RALGDS: variants seen among roughly 807,000 people sequenced by gnomAD.
RALGDS encodes the protein ral guanine nucleotide exchange factor.
In RALGDS, 44 loss-of-function variants were observed where a neutral mutation model predicts 99.8. The observed-to-expected ratio is 0.44, with a 90% CI of 0.35 to 0.57. RALGDS has a LOEUF of 0.57. Ranked by LOEUF, RALGDS falls within the 20% of genes least tolerant of loss-of-function variation. RALGDS has a pLI of 0.01. For missense variants in RALGDS, 1,022 were observed against 1,203.1 expected, an observed-to-expected ratio of 0.85 and a Z score of 2.23; for synonymous variants, 529 against 505.0, an observed-to-expected ratio of 1.05 and a Z score of -0.64.
At chr9:133,102,658 C>A in intron 13 of RALGDS, 87 bp from the exon 14 acceptor site, 2 of 1,604,296 alleles carry the variant, frequency 1.2e-6, no homozygotes, top group Non-Finnish European at 1.7e-6. Flanking sequence ...AGTCGGGGTG[C>A]CCCGGCCATC....
chr9:133,102,614 T>G (rs779975112), intron 13 of RALGDS, 43 bp from the exon 14 acceptor site: 1 of 1,608,498 alleles, frequency 6.2e-7, no homozygotes, highest in Non-Finnish European at 8.5e-7. Flanking sequence ...GGGGCCATGC[T>G]CCGGCCTTCC....
At chr9:133,143,765 TAATAATAAC>T (rs1284135105) in intron 1 of RALGDS, among the ~76,000 whole-genome samples, 1 of 107,646 alleles carries the variant, frequency 9.3e-6, no homozygotes, top group African/African-American at 4.4e-5. Context: ...ATAATAATAA[TAATAATAAC>T]AACAACAACA....
intron 1 of RALGDS, among the ~76,000 whole-genome samples, chr9:133,120,753 G>A (rs1028314467): frequency 2.0e-5 from 3 of 152,178 alleles, no homozygotes; most frequent in Non-Finnish European, 2.9e-5. Flanking sequence ...CCCCAGCCGT[G>A]GTCCCTACTG....
chr9:133,144,226 G>A lies in RALGDS; in HGVS notation c.18+4737C>T, dbSNP rs1832586288. 6.6e-6 allele frequency among the ~76,000 whole-genome samples: 1 copy of A among 152,158 alleles called. No individual in the cohort carries two copies. Among genetic ancestry groups the A allele is most frequent in the Non-Finnish European group, 1.5e-5 (1 of 68,022 alleles). On this transcript the variant is annotated intron_variant, in intron 1 of 17. Coordinates refer to the RALGDS transcript ENST00000393160. This position sits in a 1 kb window ranked among gnomAD's most constrained non-coding sequence, Gnocchi z 4.5. ...CGGCCTCTGGAGAGGCCTGAGAAAG[G>A]CCGGCTCAGCTTGCAGGCGAGGAAC...
chr9:133,125,735 C>CA (rs946918475), upstream of RALGDS, among the ~76,000 whole-genome samples: 12 of 151,976 alleles, frequency 7.9e-5, no homozygotes, highest in Admixed American at 3.9e-4. Context: ...GACTCCGTCT[C>CA]AAAAAAAGAA....
At chr9:133,146,513 CCTGA>C (rs1352718911) in intron 1 of RALGDS, among the ~76,000 whole-genome samples, 1 of 152,128 alleles carries the variant, frequency 6.6e-6, no homozygotes, top group East Asian at 1.9e-4. Flanking sequence ...TAGAATCAGG[CCTGA>C]CTGCCTCCTC....
chr9:133,109,547 G>T, intron 4 of RALGDS, 79 bp downstream of exon 4: 1 of 1,340,066 alleles, frequency 7.5e-7, no homozygotes, highest in Non-Finnish European at 1.1e-6. Context: ...GCCAGCCCCG[G>T]CTCCGGCCCC....
upstream of RALGDS, among the ~76,000 whole-genome samples, chr9:133,125,523 C>T (rs1832123007): frequency 6.6e-6 from 1 of 152,142 alleles, no homozygotes; most frequent in Non-Finnish European, 1.5e-5. Context: ...CACTTGAGGT[C>T]AGGAGTTCAA....
intron 1 of RALGDS, among the ~76,000 whole-genome samples, chr9:133,128,121 G>T (rs540410827): frequency 1.3e-5 from 2 of 152,222 alleles, no homozygotes; most frequent in Non-Finnish European, 1.5e-5. Flanking sequence ...TGCAGTGCTC[G>T]CTGCCTGGCA....
intron 7 of RALGDS, 45 bp downstream of exon 7, chr9:133,107,040 A>G: frequency 1.9e-6 from 3 of 1,601,204 alleles, no homozygotes; most frequent in Non-Finnish European, 2.6e-6. Flanking sequence ...CAACCTGAGA[A>G]CAGATGAAGC....
intron 1 of RALGDS, among the ~76,000 whole-genome samples, chr9:133,137,348 C>G (rs149423785): frequency 6.6e-6 from 1 of 152,270 alleles, no homozygotes; most frequent in Non-Finnish European, 1.5e-5. Context: ...ATGCCTAGAA[C>G]AGCATCTAGC....
rs371900041 is a variant in RALGDS at position 133,100,389 on chromosome 9, C to T, written c.2455-7G>A. On this transcript the variant is annotated splice_polypyrimidine_tract_variant and splice_region_variant and intron_variant, in intron 16 of 17. Coordinates refer to ENST00000372050, the MANE Select transcript of RALGDS (RefSeq NM_006266.4). ...CCTTATCTTGGCTGGTCACCTGCATCGCGGCGGGGGATGGACCATCAGGGA... is the reference window on the plus strand; with the variant it reads ...CCTTATCTTGGCTGGTCACCTGCATTGCGGCGGGGGATGGACCATCAGGGA... 90 of 1,613,994 alleles carry T rather than the reference C, an allele frequency of 5.6e-5. 1 individual carries two copies. The highest frequency in any genetic ancestry group is 8.0e-5 in the African/African-American group (6 of 75,046).
chr9:133,138,785 C>T (rs536318426), intron 1 of RALGDS, among the ~76,000 whole-genome samples: 175 of 152,314 alleles, frequency 1.1e-3, no homozygotes, highest in African/African-American at 4.0e-3. Flanking sequence ...CAGGTGTGCA[C>T]CACCACGCCC....
At chr9:133,108,890 G>A (rs1047071548) in intron 4 of RALGDS, 24 bp from the exon 5 acceptor site, 1 of 1,595,926 alleles carries the variant, frequency 6.3e-7, no homozygotes, top group Non-Finnish European at 8.6e-7. Flanking sequence ...GGTGGCAGCA[G>A]AGTCAGAGGC....
chr9:133,100,088 G>A, intron 17 of RALGDS, 180 bp downstream of exon 17: 1 of 699,002 alleles, frequency 1.4e-6, no homozygotes, highest in Non-Finnish European at 2.6e-6. Flanking sequence ...CACACACTGG[G>A]GAGGTCCAGT....
rs76392710 is a variant in RALGDS, at chr9:133,141,414, C to G, written c.18+7549G>C. Among the ~76,000 whole-genome samples the G allele has an allele frequency of 2.8e-3, 423 of 151,962 alleles. 2 individuals carry two copies. Among genetic ancestry groups the G allele is most frequent in the Non-Finnish European group, 4.1e-3 (281 of 67,936 alleles). On this transcript the variant is annotated intron_variant, in intron 1 of 17. Coordinates refer to the RALGDS transcript ENST00000393160. The stretch of plus-strand genomic sequence containing the variant: ...CTCCCGCAGTGCCCAAGTCTGGGTG[C>G]AGGGTGGGTGCCCACAAACTAAGGC...
Position 133,106,738 on chromosome 9 carries a change from A to T in RALGDS, c.1424T>A (p.Ile475Asn), listed in dbSNP as rs1444785660. Reference protein sequence around the residue: ...HWIEVARECRILKNFSSLYAI... With the variant: ...HWIEVARECRNLKNFSSLYAI... ...ATACAGTGACGAGAAGTTCTTGAGG[A>T]TCCGGCACTCCTGGGGCGGGAAGAG... The change falls in exon 8 of 18, where the codon ATC (isoleucine) becomes AAC (asparagine). Residue 475 changes from isoleucine (I) to asparagine (N), a missense_variant. Coordinates refer to ENST00000372050, the MANE Select transcript of RALGDS (RefSeq NM_006266.4). The T allele has an allele frequency of 6.2e-7, 1 of 1,610,758 alleles. No homozygotes were observed. Among genetic ancestry groups the T allele is most frequent in the Non-Finnish European group, 8.5e-7 (1 of 1,177,852 alleles).
At chr9:133,139,192 C>T (rs185717044) in intron 1 of RALGDS, among the ~76,000 whole-genome samples, 40 of 152,310 alleles carry the variant, frequency 2.6e-4, no homozygotes, top group East Asian at 7.7e-4. Flanking sequence ...TGTGCCCCAC[C>T]GCATCCCACA....
chr9:133,129,069 A>G (rs912090058), intron 1 of RALGDS: 2 of 1,466,536 alleles, frequency 1.4e-6, no homozygotes, highest in African/African-American at 2.8e-5. Flanking sequence ...AGCAACTCCC[A>G]TGCCTGGGGC....
Sources: gnomAD v4.1 joint callset for allele counts (sites outside exome capture counted in the v4.1 genomes callset) on GRCh38, gnomAD v4.1.1 for gene constraint, Gnocchi (gnomAD v3.1) non-coding constraint, MANE v1.5 for transcripts, NCBI Gene and HGNC (gene_info 2026-07-23, HGNC 2026-07-21) for gene names.